The following IGF1 variants were observed in gnomAD, a reference collection of about 807,000 sequenced individuals.
IGF1 encodes the protein insulin-like growth factor 1.
In IGF1, 4 loss-of-function variants were observed where a neutral mutation model predicts 13.8. The observed-to-expected ratio is 0.29, with a 90% CI of 0.14 to 0.66. The LOEUF is 0.66. Ranked by LOEUF, IGF1 falls within the 30% of genes least tolerant of loss-of-function variation. The pLI, the probability that IGF1 is intolerant of heterozygous loss-of-function variation, is 0.78. For synonymous variants in IGF1, 76 were observed against 72.6 expected (o/e 1.05, Z -0.23); for missense variants, 124 against 188.5 (o/e 0.66, Z 2.00).
At position 102,396,788 on chromosome 12, in the gene IGF1, CTT is replaced by C. The variant is rs200146786; in HGVS notation, c.*5717_*5718del. The C allele has an allele frequency of 7.9e-3, 2,875 of 364,600 alleles. 1 individual carries two copies. Among genetic ancestry groups the C allele is most frequent in the Middle Eastern group, 0.013 (18 of 1,430 alleles). The allele number at this position is 364,600 out of a possible 1,614,324, so 22.6% of individuals were successfully genotyped here. ...AGTAACATTTGGTTTTGTGTCCTCT[CTT>C]TTTTTTTTTTTACTTTAAAAAAGCT... On this transcript the variant is annotated 3_prime_UTR_variant, in exon 4 of 4. Coordinates refer to ENST00000337514, the MANE Select transcript of IGF1 (RefSeq NM_000618.5).
At chr12:102,444,126 T>C (rs975973511) in intron 2 of IGF1, among the ~76,000 whole-genome samples, 19 of 152,076 alleles carry the variant, frequency 1.2e-4, no homozygotes, top group Non-Finnish European at 7.4e-5. Context: ...CACGCCCGGC[T>C]GAAGTGCTCA....
rs77008016 is a variant in IGF1 at position 102,473,894 on chromosome 12, G to A, written c.220+1749C>T. On this transcript the variant is annotated intron_variant, in intron 2 of 3. Coordinates refer to ENST00000337514, the MANE Select transcript of IGF1 (RefSeq NM_000618.5). ...ATTTAATGCAAACATCATAGGCATA[G>A]AAAGATCCAGTTTTCATGCACTGTG... Among the ~76,000 whole-genome samples, 543 of 152,234 alleles carry A rather than the reference G, an allele frequency of 3.6e-3. 2 individuals are homozygous for A. The highest frequency in any genetic ancestry group is 0.013 in the African/African-American group (525 of 41,556).
chr12:102,410,170 T>C (rs1195816253), intron 3 of IGF1, among the ~76,000 whole-genome samples: 1 of 152,152 alleles, frequency 6.6e-6, no homozygotes, highest in Non-Finnish European at 1.5e-5. Flanking sequence ...AAAAAATCTC[T>C]ATCAAAATGG....
chr12:102,421,054 G>A (rs1875668875), intron 2 of IGF1, among the ~76,000 whole-genome samples: 1 of 152,198 alleles, frequency 6.6e-6, no homozygotes, highest in African/African-American at 2.4e-5. Context: ...AACCAGTTTG[G>A]CTGCCTCCCT....
At chr12:102,449,184 G>A (rs1055790515) in intron 2 of IGF1, among the ~76,000 whole-genome samples, 4 of 152,194 alleles carry the variant, frequency 2.6e-5, no homozygotes, top group African/African-American at 7.2e-5. Flanking sequence ...AGAAGAAAAT[G>A]TGGCACATAT....
In IGF1 at chr12:102,409,201, A is replaced by G. The variant is rs190416001; in HGVS notation, c.403-6635T>C. ...GGTATAGTTGTATGCAGGAGAGTCTACTGTTTAGAAAAACCTTGAACCTAA... is the reference window on the plus strand; with the variant it reads ...GGTATAGTTGTATGCAGGAGAGTCTGCTGTTTAGAAAAACCTTGAACCTAA... On this transcript the variant is annotated intron_variant, in intron 3 of 3. Coordinates refer to ENST00000337514, the MANE Select transcript of IGF1 (RefSeq NM_000618.5). 4.6e-5 allele frequency among the ~76,000 whole-genome samples: 7 copies of G among 152,302 alleles called. No homozygotes were observed. In the East Asian group the frequency reaches 1.4e-3, roughly 29 times the overall value.
intron 2 of IGF1, among the ~76,000 whole-genome samples, chr12:102,444,621 T>G (rs1167555094): frequency 6.6e-6 from 1 of 152,060 alleles, no homozygotes; most frequent in Non-Finnish European, 1.5e-5. Flanking sequence ...GATGACAAAA[T>G]CATATCTCAT....
chr12:102,406,458 T>G (rs1324056895), intron 3 of IGF1, among the ~76,000 whole-genome samples: 1 of 152,202 alleles, frequency 6.6e-6, no homozygotes, highest in East Asian at 1.9e-4. Flanking sequence ...CTGTTTCTAG[T>G]ATGCAACTAG....
At chr12:102,442,073 C>T (rs1877911011) in intron 2 of IGF1, among the ~76,000 whole-genome samples, 1 of 151,614 alleles carries the variant, frequency 6.6e-6, no homozygotes, top group East Asian at 1.9e-4. Context: ...CCTCAGCCTT[C>T]TGAGTAGCTG....
rs1873147040 is a variant in IGF1 at position 102,395,976 on chromosome 12, A to T, written c.*6531T>A. ...TTTCAAAATATGCTTATTAAACAGT[A>T]AATGTAAGATAATGATTCAATTAGT... On this transcript the variant is annotated 3_prime_UTR_variant, in exon 4 of 4. Coordinates refer to ENST00000337514, the MANE Select transcript of IGF1 (RefSeq NM_000618.5). 1 of 152,250 alleles carries T rather than the reference A, an allele frequency of 6.6e-6. No homozygotes were observed. Among genetic ancestry groups the T allele is most frequent in the Non-Finnish European group, 1.5e-5 (1 of 68,036 alleles). The allele number at this position is 152,250 out of a possible 1,614,324, so 9.4% of individuals were successfully genotyped here.
chr12:102,402,842 C>G (rs1397049376), intron 3 of IGF1, among the ~76,000 whole-genome samples: 1 of 152,176 alleles, frequency 6.6e-6, no homozygotes, highest in Non-Finnish European at 1.5e-5. Context: ...TCATCTGCTT[C>G]TATCACAGAT....
At chr12:102,447,276 T>C (rs1456584411) in intron 2 of IGF1, among the ~76,000 whole-genome samples, 1 of 152,206 alleles carries the variant, frequency 6.6e-6, no homozygotes, top group African/African-American at 2.4e-5. Flanking sequence ...GTCCTGAATA[T>C]CCTTGCTAAT....
chr12:102,477,472 C>T (rs1260955635), intron 1 of IGF1, among the ~76,000 whole-genome samples: 1 of 151,564 alleles, frequency 6.6e-6, no homozygotes, highest in Non-Finnish European at 1.5e-5. Context: ...GCATGGAAAT[C>T]TTCCACCCCC....
intron 3 of IGF1, among the ~76,000 whole-genome samples, chr12:102,413,430 C>A (rs182702464): frequency 6.6e-6 from 1 of 152,226 alleles, no homozygotes; most frequent in Non-Finnish European, 1.5e-5. Context: ...GGAGGGAGGT[C>A]GTCAAGGGAT....
chr12:102,452,001 G>T (rs985805570), intron 2 of IGF1, among the ~76,000 whole-genome samples: 8 of 152,048 alleles, frequency 5.3e-5, no homozygotes, highest in Non-Finnish European at 1.0e-4. Context: ...GGTGGCTCAC[G>T]CCTGTAATCC....
At chr12:102,415,564 T>TTCCTTCCTTCCTTCCTTCCG (rs1875049792) in intron 3 of IGF1, 1 of 140,882 alleles carries the variant, frequency 7.1e-6, no homozygotes, top group African/African-American at 2.7e-5. Flanking sequence ...CCTTCCTTCC[T>TTCCTTCCTTCCTTCCTTCCG]TCCTTCCTTC....
At chr12:102,414,041 ACTT>A (rs1364426532) in intron 3 of IGF1, among the ~76,000 whole-genome samples, 1 of 152,198 alleles carries the variant, frequency 6.6e-6, no homozygotes, top group Non-Finnish European at 1.5e-5. Context: ...CAGGAGACCA[ACTT>A]CTTTTTCACA....
intron 2 of IGF1, among the ~76,000 whole-genome samples, chr12:102,464,341 C>A (rs530985654): frequency 9.2e-5 from 14 of 151,366 alleles, no homozygotes; most frequent in African/African-American, 3.4e-4. Flanking sequence ...ATCTCAGATC[C>A]AAAATGATGT....
rs914243173 is a variant in IGF1, at chr12:102,437,745, T to C, written c.221-18055A>G. Among the ~76,000 whole-genome samples the C allele has an allele frequency of 2.0e-5, 3 of 152,194 alleles. No individual in the cohort carries two copies. In the East Asian group the frequency reaches 5.8e-4, roughly 29 times the overall value. On this transcript the variant is annotated intron_variant, in intron 2 of 3. Transcript: ENST00000337514. ...CTGGTTAACAATATCGTATTGTATA[T>C]TTCAAAATAGCTAAAAAAGAGGATA... is the stretch of plus-strand genomic sequence containing the variant.
Sources: allele counts gnomAD v4.1 joint callset (sites outside exome capture counted in the v4.1 genomes callset), GRCh38; gene constraint gnomAD v4.1.1; transcripts MANE v1.5; gene names NCBI Gene and HGNC (gene_info 2026-07-23, HGNC 2026-07-21).